Variants in RDX observed in about 807,000 individuals in gnomAD.
RDX encodes the protein deafness, autosomal recessive 24.
In RDX, 32 loss-of-function variants were observed where a neutral mutation model predicts 83.7. The observed-to-expected ratio is 0.38, with a 90% CI of 0.29 to 0.51. The LOEUF is 0.51. RDX is among the 20% of genes least tolerant of loss of function. RDX has a pLI of 0.87. For synonymous variants in RDX, 229 were observed against 222.7 expected, an observed-to-expected ratio of 1.03 and a Z score of -0.25; for missense variants, 600 against 689.9, an observed-to-expected ratio of 0.87 and a Z score of 1.46.
At chr11:110,214,963 C>G (rs566850955) in intron 14 of RDX, among the ~76,000 whole-genome samples, 1 of 141,538 alleles carries the variant, frequency 7.1e-6, no homozygotes, top group Admixed American at 7.4e-5. Context: ...GCACAATGTG[C>G]ACTTGTACCC....
rs181797479 is a variant in RDX at position 110,266,095 on chromosome 11, C to T, written c.97-1221G>A. 1.1e-4 allele frequency among the ~76,000 whole-genome samples: 17 copies of T among 151,496 alleles called. No homozygotes were observed. In the South Asian group the frequency reaches 1.2e-3, roughly 11 times the overall value. On this transcript the variant is annotated intron_variant, in intron 3 of 13. Transcript: ENST00000645495. Reference sequence around the variant, plus strand: ...ATCCCAGCACTTTGGGAGGCCGAGGCGGGCGGATCACAAAGTCAGGAGATC... The same window carrying T: ...ATCCCAGCACTTTGGGAGGCCGAGGTGGGCGGATCACAAAGTCAGGAGATC...
At chr11:110,284,142 T>C (rs1860880557) in intron 1 of RDX, among the ~76,000 whole-genome samples, 1 of 152,206 alleles carries the variant, frequency 6.6e-6, no homozygotes, top group African/African-American at 2.4e-5. Context: ...GTAAGTATTG[T>C]AGGTATCACC....
At chr11:110,211,144 T>A (rs1224441174) in intron 14 of RDX, among the ~76,000 whole-genome samples, 1 of 151,950 alleles carries the variant, frequency 6.6e-6, no homozygotes, top group Admixed American at 6.6e-5. Context: ...AGGATGAAGA[T>A]CTACCAAGCC....
At chr11:110,295,635 T>G (rs1280556378) in intron 1 of RDX, among the ~76,000 whole-genome samples, 1 of 124,348 alleles carries the variant, frequency 8.0e-6, no homozygotes, top group Non-Finnish European at 1.7e-5. Context: ...TGTAGTCTGT[T>G]TAAACTGAAA....
At chr11:110,256,602 C>T (rs1385882016) in intron 7 of RDX, among the ~76,000 whole-genome samples, 1 of 152,122 alleles carries the variant, frequency 6.6e-6, no homozygotes, top group Non-Finnish European at 1.5e-5. Flanking sequence ...AAGCCAGGCA[C>T]AGTGGCTCAC....
intron 10 of RDX, among the ~76,000 whole-genome samples, chr11:110,242,154 T>A (rs886768526): frequency 2.6e-5 from 4 of 152,140 alleles, no homozygotes; most frequent in African/African-American, 9.7e-5. Context: ...CTACATTACT[T>A]AAAACGGCAA....
intron 14 of RDX, among the ~76,000 whole-genome samples, chr11:110,209,136 G>A (rs1347402857): frequency 6.6e-5 from 10 of 152,284 alleles, no homozygotes; most frequent in East Asian, 3.9e-4. Flanking sequence ...TGCGCGCACC[G>A]TGCGCGAGCT....
intron 3 of RDX, among the ~76,000 whole-genome samples, chr11:110,266,515 T>C (rs1169891327): frequency 6.6e-6 from 1 of 150,904 alleles, no homozygotes; most frequent in Non-Finnish European, 1.5e-5. Flanking sequence ...TACAGAAAGA[T>C]TCAATATCAG....
In RDX at chr11:110,279,710, T is replaced by C. The variant is rs1860672989; in HGVS notation, c.-18A>G. 6.6e-7 allele frequency: 1 copy of C among 1,514,958 alleles called. No individual in the cohort carries two copies. Among genetic ancestry groups the C allele is most frequent in the Non-Finnish European group, 9.2e-7 (1 of 1,092,682 alleles). The allele number at this position is 1,514,958 out of a possible 1,614,324, so 93.8% of individuals were successfully genotyped here. A position where few individuals can be genotyped will look rare whatever the true frequency, so the allele number is the denominator to read the frequency against. ...TTCGGCATTTTCTTTCTCTTTTTGTTACCTTCTTTAAAAATTCTCCACTTC... is the reference window on the plus strand; with the variant it reads ...TTCGGCATTTTCTTTCTCTTTTTGTCACCTTCTTTAAAAATTCTCCACTTC... On this transcript the variant is annotated 5_prime_UTR_variant, in exon 2 of 14. Coordinates refer to ENST00000645495, the MANE Select transcript of RDX (RefSeq NM_002906.4).
intron 8 of RDX, among the ~76,000 whole-genome samples, chr11:110,254,421 C>T (rs182882883): frequency 6.6e-6 from 1 of 152,018 alleles, no homozygotes; most frequent in Admixed American, 6.6e-5. Flanking sequence ...CACCATTTGC[C>T]ATTAATGTCA....
intron 15 of RDX, among the ~76,000 whole-genome samples, chr11:110,184,155 G>A (rs2134219804): frequency 6.6e-6 from 1 of 152,316 alleles, no homozygotes; most frequent in East Asian, 1.9e-4. Flanking sequence ...GAACAATCTG[G>A]CGCTGGAGAC....
intron 3 of RDX, among the ~76,000 whole-genome samples, chr11:110,266,468 C>T (rs537722745): frequency 1.3e-4 from 20 of 151,998 alleles, no homozygotes; most frequent in Admixed American, 5.2e-4. Context: ...GAAAATGATC[C>T]AGGGGAGGTA....
chr11:110,234,265 A>G (rs1864752300), intron 12 of RDX, among the ~76,000 whole-genome samples: 1 of 152,226 alleles, frequency 6.6e-6, no homozygotes, highest in Admixed American at 6.5e-5. Flanking sequence ...CTAAACAAAT[A>G]TAGGAGGTGA....
intron 15 of RDX, among the ~76,000 whole-genome samples, chr11:110,187,581 A>G (rs991621085): frequency 2.0e-5 from 3 of 152,226 alleles, no homozygotes; most frequent in South Asian, 2.1e-4. Context: ...CTCCCTGTGC[A>G]GAGAACTTGG....
chr11:110,207,732 T>C (rs1863658840), intron 14 of RDX, among the ~76,000 whole-genome samples: 2 of 152,202 alleles, frequency 1.3e-5, no homozygotes, highest in Admixed American at 6.5e-5. Context: ...ATGCTCATTA[T>C]TTACATATAG....
intron 3 of RDX, among the ~76,000 whole-genome samples, chr11:110,267,779 G>C (rs1035292193): frequency 1.4e-5 from 2 of 146,470 alleles, no homozygotes; most frequent in African/African-American, 5.0e-5. Flanking sequence ...AATGTAGGGA[G>C]ACCTTGTCTC....
chr11:110,282,380 G>C (rs368735642), intron 1 of RDX, among the ~76,000 whole-genome samples: 6 of 151,898 alleles, frequency 4.0e-5, no homozygotes, highest in South Asian at 2.1e-4. Flanking sequence ...CTAGCATCCA[G>C]AGTTCTACAA....
intron 10 of RDX, among the ~76,000 whole-genome samples, chr11:110,242,359 G>A (rs1216693068): frequency 6.6e-6 from 1 of 151,262 alleles, no homozygotes; most frequent in South Asian, 2.1e-4. Flanking sequence ...GCTTGAACCC[G>A]GGAGGCAGAG....
intron 1 of RDX, among the ~76,000 whole-genome samples, chr11:110,294,701 A>G (rs991602102): frequency 6.6e-6 from 1 of 151,740 alleles, no homozygotes; most frequent in Admixed American, 6.6e-5. Flanking sequence ...TTTGACTTTC[A>G]GTTAATTAAT....
Sources: gnomAD v4.1 joint callset for allele counts (sites outside exome capture counted in the v4.1 genomes callset) on GRCh38, gnomAD v4.1.1 for gene constraint, MANE v1.5 for transcripts, NCBI Gene and HGNC (gene_info 2026-07-23, HGNC 2026-07-21) for gene names.